The following CFAP61 variants were observed in gnomAD, a reference collection of about 807,000 sequenced individuals.
CFAP61 encodes the protein cilia and flagella associated protein 61, also known as cilia- and flagella-associated protein 61.
Under a neutral mutation model 135.6 loss-of-function variants are expected in CFAP61, and 107 were observed. That is an observed-to-expected ratio of 0.79 (90% CI 0.67 to 0.93). The LOEUF (loss-of-function observed/expected upper bound fraction) is 0.93. CFAP61 is among the 40% of genes least tolerant of loss of function. The pLI is 0.00. For synonymous variants in CFAP61, 575 were observed against 578.5 expected, an observed-to-expected ratio of 0.99 and a Z score of 0.09; for missense variants, 1,507 against 1,556.2, an observed-to-expected ratio of 0.97 and a Z score of 0.53.
At chr20:20,069,863 A>G in intron 2 of CFAP61, 3 of 410,264 alleles carry the variant, frequency 7.3e-6, no homozygotes, top group South Asian at 3.6e-5. Flanking sequence ...CTCCAGTTAC[A>G]TGCTTGCTTC....
intron 2 of CFAP61, among the ~76,000 whole-genome samples, chr20:20,062,833 T>C (rs1045739336): frequency 1.3e-5 from 2 of 152,234 alleles, no homozygotes; most frequent in African/African-American, 4.8e-5. Context: ...GGAGAGATTT[T>C]CCATAATTAC....
chr20:20,152,812 A>C (rs1365353569), intron 9 of CFAP61, among the ~76,000 whole-genome samples: 1 of 152,206 alleles, frequency 6.6e-6, no homozygotes, highest in Non-Finnish European at 1.5e-5. Context: ...GAGACAGGAC[A>C]TCATGACAGA....
intron 25 of CFAP61, among the ~76,000 whole-genome samples, chr20:20,341,279 C>G (rs77358459): frequency 1.0e-3 from 156 of 152,280 alleles, no homozygotes; most frequent in Middle Eastern, 3.4e-3. Flanking sequence ...TATAAGGAAG[C>G]ATTTCAACTT....
chr20:20,290,216 G>C (rs573610366), intron 23 of CFAP61, 84 bp from the exon 24 acceptor site: 5 of 878,042 alleles, frequency 5.7e-6, no homozygotes, highest in Admixed American at 1.7e-5. Context: ...GCAGGCATCT[G>C]TTTGTCCTGT....
At chr20:20,203,402 GA>G (rs2146900617) in intron 17 of CFAP61, among the ~76,000 whole-genome samples, 1 of 152,292 alleles carries the variant, frequency 6.6e-6, no homozygotes, top group African/African-American at 2.4e-5. Context: ...TACTCTCATG[GA>G]AGTTTTTATT....
In CFAP61 at chr20:20,143,010, A is replaced by G. The variant is rs2051543816; in HGVS notation, c.951+62A>G. 6 of 947,232 alleles carry G rather than the reference A, an allele frequency of 6.3e-6. No individual in the cohort carries two copies. In the South Asian group the frequency reaches 9.0e-5, roughly 14 times the overall value. 58.7% of individuals were successfully genotyped at this position (947,232 alleles called of 1,614,324 possible). On this transcript the variant is annotated intron_variant, in intron 9 of 26. Transcript: ENST00000245957. ...GATGGGCCTGGGGGCTACCTGTGAC[A>G]TCAGGGGCATCTCTGGTGCTGGCGT...
chr20:20,126,848 C>T (rs921821290), intron 8 of CFAP61, among the ~76,000 whole-genome samples: 1 of 151,878 alleles, frequency 6.6e-6, no homozygotes, highest in Non-Finnish European at 1.5e-5. Context: ...CTCAGGAATA[C>T]TGATTATTCT....
rs568534646 is a variant in CFAP61 at position 20,268,268 on chromosome 20, G to A, written c.2503+5138G>A. Among the ~76,000 whole-genome samples the A allele has an allele frequency of 7.2e-5, 11 of 152,280 alleles. No individual in the cohort carries two copies. In the South Asian group the frequency reaches 2.1e-3, roughly 29 times the overall value. On this transcript the variant is annotated intron_variant, in intron 21 of 26. Coordinates refer to ENST00000245957, the MANE Select transcript of CFAP61 (RefSeq NM_015585.4). ...CTGTGGTTGGGTGACATGTCCCTCC[G>A]GGAACCACACCCTGAATCCTAACAA...
chr20:20,267,758 A>G (rs2052905680), intron 21 of CFAP61: 1 of 152,214 alleles, frequency 6.6e-6, no homozygotes, highest in Non-Finnish European at 1.5e-5. Flanking sequence ...GAAAGGAAAA[A>G]AATGGGGTGG....
At chr20:20,331,752 C>T (rs2058007542) in intron 25 of CFAP61, among the ~76,000 whole-genome samples, 1 of 150,994 alleles carries the variant, frequency 6.6e-6, no homozygotes, top group Non-Finnish European at 1.5e-5. Context: ...TGCACATATA[C>T]ACTTTTTTTT....
At chr20:20,335,728 C>T (rs1569308768) in intron 25 of CFAP61, among the ~76,000 whole-genome samples, 1 of 152,188 alleles carries the variant, frequency 6.6e-6, no homozygotes, top group Non-Finnish European at 1.5e-5. Context: ...TACACTTCTG[C>T]CTTTTGAAAG....
intron 9 of CFAP61, among the ~76,000 whole-genome samples, chr20:20,146,515 C>T (rs1010431989): frequency 6.6e-6 from 1 of 152,184 alleles, no homozygotes; most frequent in African/African-American, 2.4e-5. Context: ...TCACAATACT[C>T]TATGATTTTT....
chr20:20,207,931 T>C (rs979590082), intron 17 of CFAP61, among the ~76,000 whole-genome samples: 1 of 152,236 alleles, frequency 6.6e-6, no homozygotes, highest in East Asian at 1.9e-4. Flanking sequence ...CTTCACTTAA[T>C]ATGTTATGAC....
intron 24 of CFAP61, among the ~76,000 whole-genome samples, chr20:20,297,417 C>CCA (rs1049451829): frequency 5.8e-4 from 88 of 152,258 alleles, no homozygotes; most frequent in African/African-American, 2.0e-3. Flanking sequence ...AGTCACCCCC[C>CCA]ACAAAACTCA....
chr20:20,109,069 G>C (rs4814939), intron 8 of CFAP61, among the ~76,000 whole-genome samples: 14 of 151,996 alleles, frequency 9.2e-5, no homozygotes, highest in African/African-American at 3.4e-4. Flanking sequence ...TTTGTAGAAC[G>C]TAATTTATTT....
At chr20:20,345,104 G>A (rs1364896622) in intron 26 of CFAP61, among the ~76,000 whole-genome samples, 1 of 152,162 alleles carries the variant, frequency 6.6e-6, no homozygotes, top group Non-Finnish European at 1.5e-5. Flanking sequence ...GCTGTGAAGG[G>A]TGGCAAGAAG....
chr20:20,256,400 C>CCACACACACA (rs35783358), intron 20 of CFAP61, among the ~76,000 whole-genome samples: 4 of 148,674 alleles, frequency 2.7e-5, no homozygotes, highest in African/African-American at 7.5e-5. Context: ...AAAATTTAGG[C>CCACACACACA]CACACACACA....
chr20:20,198,300 T>C (rs996611429), intron 16 of CFAP61, among the ~76,000 whole-genome samples: 1 of 152,218 alleles, frequency 6.6e-6, no homozygotes, highest in Non-Finnish European at 1.5e-5. Context: ...GGATGTGATA[T>C]TAAATTCTTG....
intron 21 of CFAP61, among the ~76,000 whole-genome samples, chr20:20,272,180 C>T (rs982191375): frequency 6.6e-5 from 10 of 152,176 alleles, no homozygotes; most frequent in African/African-American, 1.9e-4. Context: ...TGGCTCATGC[C>T]TATAATCTTA....
Sources: allele counts gnomAD v4.1 joint callset (sites outside exome capture counted in the v4.1 genomes callset), GRCh38; gene constraint gnomAD v4.1.1; transcripts MANE v1.5; gene names NCBI Gene and HGNC (gene_info 2026-07-23, HGNC 2026-07-21).